Variants in PRKN observed in about 807,000 individuals in gnomAD.
PRKN encodes the protein parkin RBR E3 ubiquitin protein ligase.
A neutral mutation model predicts 59.5 loss-of-function variants in PRKN; 56 were observed. The ratio of observed to expected loss-of-function variants is 0.94; its 90% CI spans 0.76 to 1.18. The LOEUF is 1.18. Ranked by LOEUF, PRKN falls within the 50% of genes most tolerant of loss-of-function variation. PRKN has a pLI of 0.00. For synonymous variants in PRKN, 250 were observed against 222.1 expected (o/e 1.13, Z -1.12); for missense variants, 657 against 596.4 (o/e 1.10, Z -1.06).
intron 5 of PRKN, among the ~76,000 whole-genome samples, chr6:162,047,701 CATT>C (rs1367472393): frequency 1.3e-5 from 2 of 152,228 alleles, no homozygotes; most frequent in African/African-American, 4.8e-5. Flanking sequence ...CAAACTAAAA[CATT>C]ATTAAGAAAC....
chr6:161,705,803 A>G (rs1193445201), intron 7 of PRKN, among the ~76,000 whole-genome samples: 1 of 152,040 alleles, frequency 6.6e-6, no homozygotes, highest in Non-Finnish European at 1.5e-5. Flanking sequence ...GTCCATTCTC[A>G]TTCTCTGCAT....
At chr6:161,895,602 G>C (rs149289555) in intron 6 of PRKN, among the ~76,000 whole-genome samples, 4 of 115,142 alleles carry the variant, frequency 3.5e-5, no homozygotes, top group Non-Finnish European at 5.3e-5. Context: ...TGAGATTCAG[G>C]AGCACGCCCA....
chr6:161,914,349 A>G (rs1278766785), intron 6 of PRKN, among the ~76,000 whole-genome samples: 1 of 152,212 alleles, frequency 6.6e-6, no homozygotes, highest in East Asian at 1.9e-4. Context: ...AGATATAGGC[A>G]CATGTATATT....
At chr6:162,049,135 T>C (rs1777510082) in intron 5 of PRKN, among the ~76,000 whole-genome samples, 2 of 152,150 alleles carry the variant, frequency 1.3e-5, no homozygotes, top group Admixed American at 6.5e-5. Flanking sequence ...GGGTAAACTT[T>C]ACTGCTATTT....
intron 8 of PRKN, among the ~76,000 whole-genome samples, chr6:161,567,029 T>TGTG (rs1554277325): frequency 4.3e-5 from 5 of 116,792 alleles, no homozygotes; most frequent in African/African-American, 1.4e-4. Flanking sequence ...CTTGTTTTTT[T>TGTG]TTTTTTTTTG....
chr6:162,404,293 A>G (rs968570766), intron 2 of PRKN, among the ~76,000 whole-genome samples: 1 of 151,446 alleles, frequency 6.6e-6, no homozygotes, highest in African/African-American at 2.4e-5. Context: ...TCATTTAAAC[A>G]CAGGAGGTGG....
At chr6:162,530,386 G>A (rs374431282) in intron 1 of PRKN, among the ~76,000 whole-genome samples, 30 of 152,270 alleles carry the variant, frequency 2.0e-4, no homozygotes, top group African/African-American at 6.3e-4. Flanking sequence ...CTCATAGTCA[G>A]AAGTCAAAGC....
intron 7 of PRKN, among the ~76,000 whole-genome samples, chr6:161,710,372 A>G (rs1786686483): frequency 6.6e-6 from 1 of 152,162 alleles, no homozygotes; most frequent in South Asian, 2.1e-4. Context: ...AGTTGAAAAT[A>G]CCATTTGTGA....
chr6:162,383,645 C>T (rs1786620299), intron 2 of PRKN, among the ~76,000 whole-genome samples: 1 of 152,138 alleles, frequency 6.6e-6, no homozygotes, highest in Non-Finnish European at 1.5e-5. Flanking sequence ...TTAAAGTCAC[C>T]AGGTACATTT....
intron 7 of PRKN, among the ~76,000 whole-genome samples, chr6:161,678,963 G>GGAGAA (rs1395508266): frequency 6.6e-6 from 1 of 152,188 alleles, no homozygotes; most frequent in African/African-American, 2.4e-5. Flanking sequence ...GTGACCCCCA[G>GGAGAA]GAGAAGTGAA....
At chr6:161,601,208 G>A (rs1207594431) in intron 7 of PRKN, among the ~76,000 whole-genome samples, 1 of 152,144 alleles carries the variant, frequency 6.6e-6, no homozygotes, top group Non-Finnish European at 1.5e-5. Context: ...ACCATAAACT[G>A]GGTAGCTTAG....
At chr6:162,070,442 G>A (rs73785339) in intron 4 of PRKN, among the ~76,000 whole-genome samples, 2,849 of 152,226 alleles carry the variant, frequency 0.019, 103 homozygotes, top group African/African-American at 0.065. Context: ...GGGTCAGCTC[G>A]GATGGTTCAG....
chr6:162,646,996 A>C (rs1778210044), intron 1 of PRKN, among the ~76,000 whole-genome samples: 1 of 152,178 alleles, frequency 6.6e-6, no homozygotes, highest in African/African-American at 2.4e-5. Context: ...ATAAGTCCAC[A>C]GCCAAGGACA....
intron 3 of PRKN, among the ~76,000 whole-genome samples, chr6:162,205,416 C>T (rs1181584663): frequency 6.6e-6 from 1 of 151,964 alleles, no homozygotes; most frequent in African/African-American, 2.4e-5. Flanking sequence ...AGACAGGATA[C>T]TTAGGAAGAG....
At chr6:162,669,226 C>CT (rs36079627) in intron 1 of PRKN, among the ~76,000 whole-genome samples, 14,027 of 148,974 alleles carry the variant, frequency 0.094, 785 homozygotes, top group Middle Eastern at 0.21. Context: ...ATGAGGACAT[C>CT]TTTTTTTTTT....
intron 1 of PRKN, among the ~76,000 whole-genome samples, chr6:162,617,416 G>C (rs1472631022): frequency 6.6e-6 from 1 of 152,102 alleles, no homozygotes; most frequent in Non-Finnish European, 1.5e-5. Flanking sequence ...ATTTTTGGTA[G>C]AGACAGGGTT....
At chr6:161,426,676 C>CACACACACACACACA (rs11271613) in intron 9 of PRKN, among the ~76,000 whole-genome samples, 1 of 142,678 alleles carries the variant, frequency 7.0e-6, no homozygotes, top group Non-Finnish European at 1.5e-5. Flanking sequence ...CACACACACA[C>CACACACACACACACA]CTCCTATTAG....
intron 1 of PRKN, among the ~76,000 whole-genome samples, chr6:162,673,313 G>A (rs982089433): frequency 1.7e-4 from 26 of 152,048 alleles, no homozygotes; most frequent in African/African-American, 1.7e-4. Flanking sequence ...AGTACTTAAC[G>A]GAGTGAAAAT....
intron 1 of PRKN, among the ~76,000 whole-genome samples, chr6:162,479,058 T>G (rs777868105): frequency 6.6e-6 from 1 of 152,192 alleles, no homozygotes; most frequent in Non-Finnish European, 1.5e-5. Flanking sequence ...TAAATTAACT[T>G]TAGCTTACTG....
Sources: allele counts gnomAD v4.1 joint callset (sites outside exome capture counted in the v4.1 genomes callset), GRCh38; gene constraint gnomAD v4.1.1; transcripts MANE v1.5; gene names NCBI Gene and HGNC (gene_info 2026-07-23, HGNC 2026-07-21).